The following SLC26A8 variants were observed in gnomAD, a reference collection of about 807,000 sequenced individuals.
SLC26A8 encodes the protein solute carrier family 26 member 8, also known as testis anion transporter 1.
A neutral mutation model predicts 105.0 loss-of-function variants in SLC26A8; 70 were observed. That is an observed-to-expected ratio of 0.67 (90% confidence interval 0.55 to 0.81). The LOEUF (loss-of-function observed/expected upper bound fraction) is 0.81. Among genes scored for constraint, SLC26A8 ranks in the 40% least tolerant of loss-of-function variants. The pLI is 0.00. For missense variants in SLC26A8, 998 were observed against 1,181.8 expected (o/e 0.84, Z 2.28); for synonymous variants, 415 against 438.3 (o/e 0.95, Z 0.66).
chr6:35,959,365 TC>T, intron 16 of SLC26A8, 94 bp downstream of exon 16: 1 of 1,356,828 alleles, frequency 7.4e-7, no homozygotes, highest in Admixed American at 2.6e-5. Context: ...AAAGTCAAAA[TC>T]CCTTAGAGGT....
intron 2 of SLC26A8, among the ~76,000 whole-genome samples, chr6:36,018,025 T>C (rs851039): frequency 0.69 from 105,636 of 152,106 alleles, 37,096 homozygotes; most frequent in Middle Eastern, 0.74. Flanking sequence ...TTTAAAAAAA[T>C]GGAAAATAAC....
intron 12 of SLC26A8, among the ~76,000 whole-genome samples, chr6:35,961,577 C>T (rs1371058550): frequency 1.3e-5 from 2 of 152,244 alleles, no homozygotes; most frequent in East Asian, 1.9e-4. Context: ...TTCCTCACCA[C>T]CTGCCACTTG....
chr6:36,004,491 A>G (rs545451338), intron 3 of SLC26A8, among the ~76,000 whole-genome samples: 8 of 152,102 alleles, frequency 5.3e-5, no homozygotes, highest in African/African-American at 1.4e-4. Flanking sequence ...TAAAAAAGTC[A>G]TATCAATTTT....
At chr6:35,995,240 C>G (rs949456076) in intron 5 of SLC26A8, among the ~76,000 whole-genome samples, 1 of 152,172 alleles carries the variant, frequency 6.6e-6, no homozygotes, top group Non-Finnish European at 1.5e-5. Flanking sequence ...AGAACTCTTT[C>G]TTGCCCACTG....
intron 5 of SLC26A8, among the ~76,000 whole-genome samples, chr6:35,995,496 G>A (rs192054122): frequency 2.0e-5 from 3 of 152,124 alleles, no homozygotes; most frequent in South Asian, 2.1e-4. Flanking sequence ...ATTATTTTAT[G>A]CTTAAGATTT....
intron 12 of SLC26A8, among the ~76,000 whole-genome samples, 155 bp downstream of exon 12, chr6:35,962,371 C>A (rs1024146833): frequency 2.0e-5 from 3 of 152,122 alleles, no homozygotes; most frequent in African/African-American, 4.8e-5. Flanking sequence ...TACCAACAAC[C>A]TTGACTCTCC....
In SLC26A8 at chr6:35,960,882, AG is replaced by A; in HGVS notation, c.1598del (p.Pro533LeufsTer21). 1.9e-6 allele frequency: 3 copies of A among 1,614,174 alleles called. No individual in the cohort carries two copies. In the South Asian group the frequency reaches 3.3e-5, roughly 18 times the overall value. On this transcript the variant is annotated frameshift_variant, in exon 14 of 20. Coordinates refer to ENST00000490799, the MANE Select transcript of SLC26A8 (RefSeq NM_052961.4). LOFTEE classifies it high-confidence loss of function. ...RAKILLLGQI[P>X]NTNIYRSIND... is the part of the protein sequence containing the mutation. The stretch of plus-strand genomic sequence containing the variant: ...TGATGCTTCTATAAATGTTGGTGTT[AG>A]GGATTTGACCCAGGAGAAGAATCTT...
chr6:35,952,026 C>G (rs769829101), intron 17 of SLC26A8, among the ~76,000 whole-genome samples: 1 of 152,136 alleles, frequency 6.6e-6, no homozygotes, highest in Non-Finnish European at 1.5e-5. Context: ...GAGAATCAGA[C>G]CGTGTCATGT....
intron 8 of SLC26A8, among the ~76,000 whole-genome samples, chr6:35,979,720 C>A (rs1773195590): frequency 6.6e-6 from 1 of 152,126 alleles, no homozygotes; most frequent in South Asian, 2.1e-4. Context: ...ACAACATAAA[C>A]TACTGTTTTT....
intron 1 of SLC26A8, among the ~76,000 whole-genome samples, chr6:36,020,187 C>T (rs1483405424): frequency 6.6e-6 from 1 of 152,190 alleles, no homozygotes; most frequent in Non-Finnish European, 1.5e-5. Flanking sequence ...TTCTTCACGG[C>T]ACTTGCCAGC....
intron 5 of SLC26A8, among the ~76,000 whole-genome samples, chr6:35,995,388 G>A (rs1761322609): frequency 6.6e-6 from 1 of 152,120 alleles, no homozygotes; most frequent in Admixed American, 6.5e-5. Flanking sequence ...TGAAAGGGAG[G>A]GCTCAATAAA....
At chr6:36,020,719 C>G (rs1426252848) in intron 1 of SLC26A8, among the ~76,000 whole-genome samples, 1 of 152,048 alleles carries the variant, frequency 6.6e-6, no homozygotes, top group Non-Finnish European at 1.5e-5. Context: ...AAAGTATAAC[C>G]AGTCTTAATA....
chr6:36,008,141 G>A (rs1443291972), intron 3 of SLC26A8, among the ~76,000 whole-genome samples: 5 of 150,548 alleles, frequency 3.3e-5, no homozygotes, highest in African/African-American at 1.2e-4. Context: ...AAAAAAAATG[G>A]TGTTGAGGCC....
At chr6:36,019,244 C>T (rs902828518) in intron 2 of SLC26A8, among the ~76,000 whole-genome samples, 2 of 151,882 alleles carry the variant, frequency 1.3e-5, no homozygotes, top group Non-Finnish European at 2.9e-5. Flanking sequence ...TATTTTTGGT[C>T]GGGAGTCTGG....
At chr6:36,023,815 C>T (rs764730647) in intron 1 of SLC26A8, among the ~76,000 whole-genome samples, 8 of 152,122 alleles carry the variant, frequency 5.3e-5, no homozygotes, top group Non-Finnish European at 8.8e-5. Flanking sequence ...ATTGGGAATA[C>T]AGAAAAGGTA....
intron 4 of SLC26A8, 54 bp downstream of exon 4, chr6:35,999,938 A>G: frequency 1.7e-5 from 21 of 1,224,918 alleles, no homozygotes; most frequent in Non-Finnish European, 2.2e-5. Flanking sequence ...CAATAAGTAT[A>G]TGATCAAGAT....
At chr6:35,984,257 T>G (rs1773395073) in intron 7 of SLC26A8, among the ~76,000 whole-genome samples, 1 of 152,006 alleles carries the variant, frequency 6.6e-6, no homozygotes, top group Admixed American at 6.6e-5. Context: ...TGAAGCATTG[T>G]AATTATTTAT....
At chr6:36,013,199 C>CT (rs546063188) in intron 2 of SLC26A8, among the ~76,000 whole-genome samples, 188 of 142,904 alleles carry the variant, frequency 1.3e-3, no homozygotes, top group Admixed American at 2.3e-3. Flanking sequence ...TGTCCAGAGA[C>CT]TTTTTTTTTT....
intron 17 of SLC26A8, among the ~76,000 whole-genome samples, chr6:35,953,865 C>T (rs1771962136): frequency 6.6e-6 from 1 of 152,144 alleles, no homozygotes; most frequent in Non-Finnish European, 1.5e-5. Context: ...CCTTTTGCCC[C>T]AGACCAAAGA....
Sources: allele counts gnomAD v4.1 joint callset (sites outside exome capture counted in the v4.1 genomes callset), GRCh38; gene constraint gnomAD v4.1.1; transcripts MANE v1.5; gene names NCBI Gene and HGNC (gene_info 2026-07-23, HGNC 2026-07-21).